TYR: variants seen among roughly 807,000 people sequenced by gnomAD.
TYR encodes tyrosinase.
A neutral mutation model predicts 51.5 loss-of-function variants in TYR; 58 were observed. The ratio of observed to expected loss-of-function variants is 1.13; its 90% CI spans 0.91 to 1.40. The LOEUF (loss-of-function observed/expected upper bound fraction) is 1.40, where lower values mean the gene tolerates loss of function less well. Among genes scored for constraint, TYR ranks in the 40% most tolerant of loss-of-function variants. TYR has a pLI of 0.00. For missense variants in TYR, 732 were observed against 647.4 expected (o/e 1.13, Z -1.42); for synonymous variants, 263 against 235.2 (o/e 1.12, Z -1.08).
chr11:89,265,785 A>T (rs1280215471), intron 3 of TYR, among the ~76,000 whole-genome samples: 2 of 152,064 alleles, frequency 1.3e-5, no homozygotes, highest in Non-Finnish European at 2.9e-5. Flanking sequence ...TCCTTTCTTG[A>T]AAGTGGCAAT....
intron 2 of TYR, chr11:89,192,032 G>T (rs1045341622): frequency 2.0e-5 from 9 of 454,404 alleles, no homozygotes; most frequent in African/African-American, 1.0e-4. Context: ...GTTCTTTGAG[G>T]TAAGTTCATT....
chr11:89,254,915 C>G (rs1222424040), intron 3 of TYR, among the ~76,000 whole-genome samples: 2 of 151,472 alleles, frequency 1.3e-5, no homozygotes, highest in African/African-American at 4.8e-5. Context: ...CTTAGATTGT[C>G]TATTTGTGCT....
chr11:89,180,495 A>G (rs621313), intron 1 of TYR, among the ~76,000 whole-genome samples: 89,045 of 151,780 alleles, frequency 0.59, 28,325 homozygotes, highest in African/African-American at 0.86. Context: ...ATTAATTGTC[A>G]AGCAGAACTT....
chr11:89,251,030 A>G (rs1341462055), intron 3 of TYR, among the ~76,000 whole-genome samples: 2 of 151,948 alleles, frequency 1.3e-5, no homozygotes, highest in African/African-American at 4.8e-5. Context: ...AATTTTTTTT[A>G]TTTTAAGATA....
rs1376557050 is a variant in TYR at position 89,192,677 on chromosome 11, G to T, written c.1036+1259G>T. On this transcript the variant is annotated intron_variant, in intron 2 of 4. Transcript: ENST00000263321. ...TCCTAAAGATGAATTCTGTTTTCCAGCTATGAAAATAGAAATTAGGTTTAT... is the reference window on the plus strand; with the variant it reads ...TCCTAAAGATGAATTCTGTTTTCCATCTATGAAAATAGAAATTAGGTTTAT... 2.0e-5 allele frequency among the ~76,000 whole-genome samples: 3 copies of T among 151,988 alleles called. No individual in the cohort carries two copies. The East Asian group carries it at 5.8e-4, about 29-fold the overall frequency.
chr11:89,257,585 T>C (rs1339786238), intron 3 of TYR, among the ~76,000 whole-genome samples: 1 of 152,016 alleles, frequency 6.6e-6, no homozygotes, highest in Non-Finnish European at 1.5e-5. Flanking sequence ...ACATGAAATG[T>C]TAATATATAA....
chr11:89,243,086 C>A (rs192095271), intron 3 of TYR, among the ~76,000 whole-genome samples: 2 of 152,268 alleles, frequency 1.3e-5, no homozygotes, highest in East Asian at 3.9e-4. Flanking sequence ...AATAACTATT[C>A]TTCAAAAATT....
chr11:89,202,949 G>A (rs1339723590), intron 2 of TYR, among the ~76,000 whole-genome samples: 2 of 152,132 alleles, frequency 1.3e-5, no homozygotes, highest in African/African-American at 4.8e-5. Context: ...AATCTCTAGT[G>A]TAAAAGGAGT....
chr11:89,216,095 G>A (rs1275467456), intron 2 of TYR, among the ~76,000 whole-genome samples: 1 of 152,044 alleles, frequency 6.6e-6, no homozygotes, highest in African/African-American at 2.4e-5. Context: ...TGTGCAGTGA[G>A]TGACTTCACT....
At chr11:89,183,319 CAG>C (rs774814521) in intron 1 of TYR, among the ~76,000 whole-genome samples, 15 of 152,084 alleles carry the variant, frequency 9.9e-5, no homozygotes, top group South Asian at 8.3e-4. Context: ...AGAAAAAAAA[CAG>C]AGTCATCATC....
intron 2 of TYR, among the ~76,000 whole-genome samples, chr11:89,217,962 T>G (rs1215366170): frequency 6.6e-6 from 1 of 152,212 alleles, no homozygotes; most frequent in Non-Finnish European, 1.5e-5. Flanking sequence ...GAATAGTTAT[T>G]TCTATTAACT....
At chr11:89,199,649 T>C (rs1943571017) in intron 2 of TYR, among the ~76,000 whole-genome samples, 1 of 152,204 alleles carries the variant, frequency 6.6e-6, no homozygotes, top group Admixed American at 6.5e-5. Context: ...CAGGTTATCA[T>C]GAGAATTTAT....
intron 4 of TYR, among the ~76,000 whole-genome samples, chr11:89,294,511 G>A (rs574137249): frequency 2.0e-5 from 3 of 152,180 alleles, no homozygotes; most frequent in African/African-American, 4.8e-5. Flanking sequence ...GAGTGCGGAC[G>A]CTCCAGGGTA....
chr11:89,230,361 C>A (rs763175577), intron 3 of TYR, among the ~76,000 whole-genome samples: 8 of 152,198 alleles, frequency 5.3e-5, no homozygotes, highest in African/African-American at 9.6e-5. Context: ...ATATCTAACA[C>A]CATATCCAAA....
intron 3 of TYR, among the ~76,000 whole-genome samples, chr11:89,235,740 G>C (rs988385727): frequency 6.6e-6 from 1 of 152,206 alleles, no homozygotes; most frequent in South Asian, 2.1e-4. Flanking sequence ...AGTTAGACAT[G>C]AGAAGTAAGT....
intron 4 of TYR, among the ~76,000 whole-genome samples, chr11:89,288,870 T>C (rs1368513217): frequency 6.6e-6 from 1 of 152,044 alleles, no homozygotes; most frequent in Non-Finnish European, 1.5e-5. Context: ...CATAGCTAAA[T>C]TTTAAGCTTA....
rs187369893 is a variant in TYR, at chr11:89,290,969, T to C, written c.1367-4174T>C. ...CAGATATTCAGTACGGACTTCCTCA[T>C]TTACTCAAATCTTAATAGTCTCCTA... is the stretch of plus-strand genomic sequence containing the variant. On this transcript the variant is annotated intron_variant, in intron 4 of 4. Coordinates refer to ENST00000263321, the MANE Select transcript of TYR (RefSeq NM_000372.5). Among the ~76,000 whole-genome samples, 372 of 152,170 alleles carry C rather than the reference T, an allele frequency of 2.4e-3. 3 individuals are homozygous for C. The highest frequency in any genetic ancestry group is 3.6e-3 in the Non-Finnish European group (243 of 67,912).
At chr11:89,179,097 A>T (rs1444909288) in intron 1 of TYR, among the ~76,000 whole-genome samples, 1 of 152,198 alleles carries the variant, frequency 6.6e-6, no homozygotes, top group Non-Finnish European at 1.5e-5. Flanking sequence ...GAATTGAATA[A>T]ATGAGTGAAT....
chr11:89,294,219 CT>C, intron 4 of TYR: 1 of 152,856 alleles, frequency 6.5e-6, no homozygotes. Context: ...GCCTCTTCGA[CT>C]TTTTTACCCT....
Sources: allele counts gnomAD v4.1 joint callset (sites outside exome capture counted in the v4.1 genomes callset), GRCh38; gene constraint gnomAD v4.1.1; transcripts MANE v1.5; gene names NCBI Gene and HGNC (gene_info 2026-07-23, HGNC 2026-07-21).